TGFB2: variants seen among roughly 807,000 people sequenced by gnomAD.
TGFB2 encodes transforming growth factor beta-2 proprotein.
In TGFB2, 13 loss-of-function variants were observed where a neutral mutation model predicts 42.7. The ratio of observed to expected loss-of-function variants is 0.30; its 90% CI spans 0.20 to 0.48. The LOEUF (loss-of-function observed/expected upper bound fraction) is 0.48. Among genes scored for constraint, TGFB2 ranks in the 20% least tolerant of loss-of-function variants. TGFB2 has a pLI of 0.99. For synonymous variants in TGFB2, 193 were observed against 193.6 expected (o/e 1.00, Z 0.03); for missense variants, 390 against 517.5 (o/e 0.75, Z 2.39).
intron 1 of TGFB2, among the ~76,000 whole-genome samples, chr1:218,397,795 G>A (rs968673869): frequency 2.6e-5 from 4 of 152,134 alleles, no homozygotes; most frequent in Non-Finnish European, 2.9e-5. Context: ...TGTAAGCCTC[G>A]TTTAGCTTTG....
chr1:218,395,040 T>C (rs142008169), intron 1 of TGFB2, among the ~76,000 whole-genome samples: 8 of 152,264 alleles, frequency 5.3e-5, no homozygotes, highest in African/African-American at 1.7e-4. Flanking sequence ...TCATTAAGCA[T>C]GTCAGAAGTC....
chr1:218,398,864 C>T (rs925189464), intron 1 of TGFB2, among the ~76,000 whole-genome samples: 3 of 152,128 alleles, frequency 2.0e-5, no homozygotes, highest in Non-Finnish European at 4.4e-5. Context: ...GGATTACAGG[C>T]GTGAGCCACT....
At chr1:218,438,033 T>C (rs768288567) in intron 6 of TGFB2, among the ~76,000 whole-genome samples, 4 of 152,190 alleles carry the variant, frequency 2.6e-5, no homozygotes, top group Admixed American at 6.5e-5. Context: ...AATAAATTAT[T>C]GTTAACTATA....
At chr1:218,404,120 G>T (rs1658826184) in intron 1 of TGFB2, among the ~76,000 whole-genome samples, 1 of 150,270 alleles carries the variant, frequency 6.7e-6, no homozygotes, top group Non-Finnish European at 1.5e-5. Flanking sequence ...TTGATTGACT[G>T]ATTGATATTT....
At chr1:218,363,376 G>A (rs1657281114) in intron 1 of TGFB2, 2 of 1,613,892 alleles carry the variant, frequency 1.2e-6, no homozygotes, top group Admixed American at 1.7e-5. Context: ...TCAGTGGGCA[G>A]CTTGTGCTCC....
In TGFB2 at chr1:218,441,484, T is replaced by A. The variant is rs1174999848; in HGVS notation, c.*122T>A. The A allele has an allele frequency of 2.6e-6, 3 of 1,152,786 alleles. No homozygotes were observed. The highest frequency in any genetic ancestry group is 2.7e-5 in the East Asian group (1 of 37,498). 71.4% of individuals were successfully genotyped at this position (1,152,786 alleles called of 1,614,324 possible). ...GCCTTGGTTCATCAGTGTTAAAAAA[T>A]TTTTGAAAAGGCGGTACTAGTTCAG... is the stretch of plus-strand genomic sequence containing the variant. On this transcript the variant is annotated 3_prime_UTR_variant, in exon 7 of 7. Coordinates refer to ENST00000366930, the MANE Select transcript of TGFB2 (RefSeq NM_003238.6).
rs910821475 is a variant in TGFB2, at chr1:218,384,643, C to T, written c.347-20526C>T. On this transcript the variant is annotated intron_variant, in intron 1 of 6. Coordinates refer to ENST00000366930, the MANE Select transcript of TGFB2 (RefSeq NM_003238.6). Reference sequence around the variant, plus strand: ...GACCCAGCTGCTGTTATTCTTGGCCCTGTACATATTGAGAGAGGCTGGCTT... The same window carrying T: ...GACCCAGCTGCTGTTATTCTTGGCCTTGTACATATTGAGAGAGGCTGGCTT... Among the ~76,000 whole-genome samples, 4 of 152,186 alleles carry T rather than the reference C, an allele frequency of 2.6e-5. No individual in the cohort carries two copies. The East Asian group carries it at 5.8e-4, about 22-fold the overall frequency.
chr1:218,435,114 A>T (rs541290618), intron 4 of TGFB2, among the ~76,000 whole-genome samples: 1 of 152,318 alleles, frequency 6.6e-6, no homozygotes, highest in East Asian at 1.9e-4. Flanking sequence ...ATGAGAGGTG[A>T]GAGGAAATCC....
Position 218,441,307 on chromosome 1 carries a change from C to T in TGFB2, c.1190C>T (p.Thr397Ile). The stretch of plus-strand genomic sequence containing the variant: ...ACCATTCTCTACTACATTGGCAAAA[C>T]ACCCAAGATTGAACAGCTTTCTAAT... ...PLTILYYIGK[T>I]PKIEQLSNMI... Residue 397 changes from threonine (T) to isoleucine (I), a missense_variant, in exon 7 of 7, where the codon ACA (threonine) becomes ATA (isoleucine). Physicochemically the swap from Thr to Ile is moderately conservative, Grantham distance 89. Coordinates refer to ENST00000366930, the MANE Select transcript of TGFB2 (RefSeq NM_003238.6). 1.2e-6 allele frequency: 2 copies of T among 1,613,360 alleles called. No homozygotes were observed. Among genetic ancestry groups the T allele is most frequent in the South Asian group, 2.2e-5 (2 of 90,802 alleles).
At position 218,444,531 on chromosome 1, in the gene TGFB2, T is replaced by C. The variant is rs1660258917; in HGVS notation, c.*3169T>C. On this transcript the variant is annotated 3_prime_UTR_variant, in exon 7 of 7. Transcript: ENST00000366930. ...AACCCACCCTATTTCCTCCAATTTT[T>C]TTGGCTGCTACCTACAAGACCAGAC... 6.6e-6 allele frequency: 1 copy of C among 152,154 alleles called. No individual in the cohort carries two copies. Among genetic ancestry groups the C allele is most frequent in the Non-Finnish European group, 1.5e-5 (1 of 68,024 alleles). The allele number at this position is 152,154 out of a possible 1,614,324, so 9.4% of individuals were successfully genotyped here. A position where few individuals can be genotyped will look rare whatever the true frequency, so the allele number is the denominator to read the frequency against.
At chr1:218,440,254 T>C (rs989813275) in intron 6 of TGFB2, among the ~76,000 whole-genome samples, 2 of 152,206 alleles carry the variant, frequency 1.3e-5, no homozygotes, top group Admixed American at 6.5e-5. Context: ...TGTAAGAAAG[T>C]GAATAATTAT....
chr1:218,349,762 C>T (rs189081253), intron 1 of TGFB2, among the ~76,000 whole-genome samples: 153 of 152,062 alleles, frequency 1.0e-3, no homozygotes, highest in Non-Finnish European at 1.1e-3. Flanking sequence ...TTGTATATGC[C>T]CTGAGGCATA....
At chr1:218,409,429 T>C (rs566146389) in intron 2 of TGFB2, among the ~76,000 whole-genome samples, 4 of 152,350 alleles carry the variant, frequency 2.6e-5, no homozygotes, top group Admixed American at 2.6e-4. Flanking sequence ...GGCCTCTTTA[T>C]TTGGAGTCCT....
chr1:218,369,086 C>T (rs1657484616), intron 1 of TGFB2, among the ~76,000 whole-genome samples: 1 of 151,466 alleles, frequency 6.6e-6, no homozygotes, highest in Admixed American at 6.6e-5. Context: ...GAAACCCTGT[C>T]TCTACTAAAA....
chr1:218,367,548 T>C (rs1657426145), intron 1 of TGFB2, among the ~76,000 whole-genome samples: 1 of 152,230 alleles, frequency 6.6e-6, no homozygotes, highest in Non-Finnish European at 1.5e-5. Flanking sequence ...GGATATTCTA[T>C]AACTACCGTA....
rs1231086537 is a variant in TGFB2 at position 218,411,370 on chromosome 1, A to G, written c.510+6038A>G. ...GGTCACTTGGTAGCATTTAGATGACAGTTGGGCTGGTCTGGAGGATTGATG... is the reference window on the plus strand; with the variant it reads ...GGTCACTTGGTAGCATTTAGATGACGGTTGGGCTGGTCTGGAGGATTGATG... On this transcript the variant is annotated intron_variant, in intron 2 of 6. Coordinates refer to ENST00000366930, the MANE Select transcript of TGFB2 (RefSeq NM_003238.6). 1.3e-4 allele frequency among the ~76,000 whole-genome samples: 20 copies of G among 152,258 alleles called. No individual in the cohort carries two copies. In the East Asian group the frequency reaches 3.5e-3, roughly 26 times the overall value.
At chr1:218,409,742 A>C (rs974574505) in intron 2 of TGFB2, among the ~76,000 whole-genome samples, 2 of 152,182 alleles carry the variant, frequency 1.3e-5, no homozygotes, top group Admixed American at 6.5e-5. Flanking sequence ...GAAGAACAAA[A>C]CCTTTGAAGT....
At chr1:218,436,222 T>G in intron 5 of TGFB2, 75 bp downstream of exon 5, 1 of 1,499,638 alleles carries the variant, frequency 6.7e-7, no homozygotes, top group Non-Finnish European at 9.0e-7. Context: ...TCTTTTACTG[T>G]GTATTGACCC....
At chr1:218,416,381 T>G (rs985551951) in intron 2 of TGFB2, among the ~76,000 whole-genome samples, 2 of 152,140 alleles carry the variant, frequency 1.3e-5, no homozygotes, top group African/African-American at 4.8e-5. Flanking sequence ...GCATGCATGT[T>G]TTTTTTCTCA....
Sources: gnomAD v4.1 joint callset for allele counts (sites outside exome capture counted in the v4.1 genomes callset) on GRCh38, gnomAD v4.1.1 for gene constraint, MANE v1.5 for transcripts, NCBI Gene and HGNC (gene_info 2026-07-23, HGNC 2026-07-21) for gene names.